The following TGDS variants were observed in gnomAD, a reference collection of about 807,000 sequenced individuals.
TGDS encodes UDP-D-glucose 4,6-dehydratase.
Under a neutral mutation model 52.3 loss-of-function variants are expected in TGDS, and 47 were observed. The observed-to-expected ratio is 0.90, with a 90% CI of 0.71 to 1.15. The LOEUF is 1.15. Among genes scored for constraint, TGDS ranks in the 50% most tolerant of loss-of-function variants. The pLI is 0.00. For synonymous variants in TGDS, 115 were observed against 136.9 expected (o/e 0.84, Z 1.12); for missense variants, 375 against 418.4 (o/e 0.90, Z 0.90).
intron 4 of TGDS, among the ~76,000 whole-genome samples, chr13:94,585,560 G>A (rs1349463125): frequency 5.3e-5 from 8 of 152,044 alleles, no homozygotes; most frequent in Admixed American, 5.2e-4. Context: ...CACTTTGGGA[G>A]GCCCAGGTGG....
intron 4 of TGDS, among the ~76,000 whole-genome samples, chr13:94,586,659 T>C (rs1347205856): frequency 6.6e-6 from 1 of 151,690 alleles, no homozygotes; most frequent in Non-Finnish European, 1.5e-5. Context: ...ACAATTAAGC[T>C]AGAATTCCAT....
At chr13:94,582,938 A>T (rs1398396836) in intron 5 of TGDS, among the ~76,000 whole-genome samples, 156 bp downstream of exon 5, 1 of 152,138 alleles carries the variant, frequency 6.6e-6, no homozygotes, top group Non-Finnish European at 1.5e-5. Context: ...TTATATATCT[A>T]TTCTATTAGT....
chr13:94,575,705 T>C (rs1888578128), intron 11 of TGDS, among the ~76,000 whole-genome samples: 1 of 152,216 alleles, frequency 6.6e-6, no homozygotes. Context: ...ATATTTGACT[T>C]AAGTATTTGT....
Position 94,576,339 on chromosome 13 carries a change from A to C in TGDS, c.957T>G (p.Pro319=). ...TTGTTTTCTTTATTCCTTCTTTCCA[A>C]GGCACTTTAGGTCTCCATCCTAAGC... ...IHGLGWRPKV[P]WKEGIKKTIE... is the part of the protein sequence containing the mutation. Residue 319 remains proline, a synonymous_variant, in exon 11 of 12, where the codon CCT becomes CCG. Transcript: ENST00000261296. 1 of 1,603,626 alleles carries C rather than the reference A, an allele frequency of 6.2e-7. No individual in the cohort carries two copies. Among genetic ancestry groups the C allele is most frequent in the Non-Finnish European group, 8.5e-7 (1 of 1,175,176 alleles).
intron 4 of TGDS, among the ~76,000 whole-genome samples, chr13:94,585,194 T>C (rs1460314109): frequency 6.6e-6 from 1 of 151,824 alleles, no homozygotes; most frequent in Non-Finnish European, 1.5e-5. Context: ...GGGTTACAGG[T>C]GCCCACTACC....
rs148143934 is a variant in TGDS, at chr13:94,578,158, C to A, written c.672G>T (p.Gly224=). The A allele has an allele frequency of 1.0e-4, 164 of 1,613,368 alleles. No individual in the cohort carries two copies. The highest frequency in any genetic ancestry group is 1.3e-4 in the Non-Finnish European group (156 of 1,179,756). ...GGAAGTTTCTTGTTTGAAGCCCTGACCCATGAATGCAACTAAAGAGATTAA... is the reference window on the plus strand; with the variant it reads ...GGAAGTTTCTTGTTTGAAGCCCTGAACCATGAATGCAACTAAAGAGATTAA... The part of the protein sequence containing the change: ...LQHNRKCCIH[G]SGLQTRNFLY... The change falls in exon 9 of 12, where the codon GGG becomes GGT. Residue 224 remains glycine (G), a synonymous_variant. Transcript: ENST00000261296.
intron 1 of TGDS, among the ~76,000 whole-genome samples, chr13:94,594,554 A>G (rs966790743): frequency 5.9e-5 from 9 of 152,140 alleles, no homozygotes; most frequent in Admixed American, 5.2e-4. Context: ...TACCAGATTT[A>G]CCATGTATAC....
intron 1 of TGDS, among the ~76,000 whole-genome samples, chr13:94,595,718 G>C (rs979661456): frequency 1.3e-5 from 2 of 152,118 alleles, no homozygotes; most frequent in African/African-American, 4.8e-5. Flanking sequence ...CGTGGGGTGT[G>C]GGTGCTCTAG....
intron 8 of TGDS, among the ~76,000 whole-genome samples, 184 bp from the exon 9 acceptor site, chr13:94,578,354 A>T (rs1888675738): frequency 6.8e-6 from 1 of 146,346 alleles, no homozygotes. Context: ...AAACCTTCTG[A>T]GGGGACTCAG....
At chr13:94,593,612 CA>C (rs1409753235) in intron 2 of TGDS, among the ~76,000 whole-genome samples, 1 of 151,808 alleles carries the variant, frequency 6.6e-6, no homozygotes, top group Non-Finnish European at 1.5e-5. Flanking sequence ...CTGAAAAAAA[CA>C]AAATAAAACA....
In TGDS at chr13:94,583,197, T is replaced by C. The variant is rs780215822; in HGVS notation, c.353A>G (p.Asn118Ser). 6.2e-7 allele frequency: 1 copy of C among 1,613,770 alleles called. No individual in the cohort carries two copies. Among genetic ancestry groups the C allele is most frequent in the African/African-American group, 1.3e-5 (1 of 74,902 alleles). The change falls in exon 5 of 12, where the codon AAT (asparagine) becomes AGT (serine). Residue 118 changes from asparagine (N) to serine (S), a missense_variant. By Grantham distance (46) the Asn-to-Ser change is conservative (BLOSUM62 1). Coordinates refer to ENST00000261296, the MANE Select transcript of TGDS (RefSeq NM_014305.4). ...FVRAFEFTYV[N>S]VYGTHVLVSA... ...TACCAAAACGTGAGTGCCATAAACA[T>C]TAACATAGGTAAACTCAAAGGCACG... is the stretch of plus-strand genomic sequence containing the variant.
intron 4 of TGDS, among the ~76,000 whole-genome samples, chr13:94,588,421 C>CAAAAAAAAAAAAAAAAAAAAAAAAAA (rs150186125): frequency 1.7e-5 from 1 of 58,492 alleles, no homozygotes; most frequent in Non-Finnish European, 2.9e-5. Context: ...GACTCTGTCT[C>CAAAAAAAAAAAAAAAAAAAAAAAAAA]AAAAAAAAAA....
intron 9 of TGDS, 58 bp downstream of exon 9, chr13:94,577,947 T>C (rs1888655515): frequency 6.5e-7 from 1 of 1,535,462 alleles, no homozygotes; most frequent in African/African-American, 1.4e-5. Flanking sequence ...TGATTTTGAC[T>C]AATGGTCACT....
At chr13:94,593,723 A>G in intron 2 of TGDS, 118 bp downstream of exon 2, 1 of 766,588 alleles carries the variant, frequency 1.3e-6, no homozygotes, top group Non-Finnish European at 2.2e-6. Context: ...GAGCCTCTGA[A>G]TTGCTAAAAT....
At chr13:94,577,562 A>C in intron 9 of TGDS, 133 bp from the exon 10 acceptor site, 1 of 648,552 alleles carries the variant, frequency 1.5e-6, no homozygotes, top group Non-Finnish European at 2.5e-6. Flanking sequence ...ACATCATTTT[A>C]GTAACACTTT....
chr13:94,588,300 G>A (rs1234822120), intron 4 of TGDS, among the ~76,000 whole-genome samples: 1 of 151,498 alleles, frequency 6.6e-6, no homozygotes, highest in African/African-American at 2.4e-5. Context: ...GCGCATGCCT[G>A]TAATCCTAGC....
Position 94,578,790 on chromosome 13 carries a change from A to G in TGDS, c.616-17T>C, listed in dbSNP as rs1888692425. The G allele has an allele frequency of 2.1e-6, 3 of 1,438,010 alleles. No individual in the cohort carries two copies. In the African/African-American group the frequency reaches 4.2e-5, roughly 20 times the overall value. The allele number at this position is 1,438,010 out of a possible 1,614,324, so 89.1% of individuals were successfully genotyped here. A position where few individuals can be genotyped will look rare whatever the true frequency, so the allele number is the denominator to read the frequency against. ...TGGAATAACCTAAAAGAATATTTAAATATCATTTCAGACTGGATATTTACT... is the reference window on the plus strand; with the variant it reads ...TGGAATAACCTAAAAGAATATTTAAGTATCATTTCAGACTGGATATTTACT... On this transcript the variant is annotated splice_polypyrimidine_tract_variant and intron_variant, in intron 7 of 11. Coordinates refer to ENST00000261296, the MANE Select transcript of TGDS (RefSeq NM_014305.4).
In TGDS at chr13:94,578,172, TAA is replaced by T. The variant is rs776164791; in HGVS notation, c.660-4_660-3del. 1 of 1,612,780 alleles carries T rather than the reference TAA, an allele frequency of 6.2e-7. No individual in the cohort carries two copies. The highest frequency in any genetic ancestry group is 1.3e-5 in the African/African-American group (1 of 74,850). On this transcript the variant is annotated splice_polypyrimidine_tract_variant and splice_region_variant and intron_variant, in intron 8 of 11. Transcript: ENST00000261296. ...TGAAGCCCTGACCCATGAATGCAAC[TAA>T]AGAGATTAAACGAAGTGAAATCATA...
chr13:94,593,596 T>C (rs1436422887), intron 2 of TGDS, among the ~76,000 whole-genome samples: 1 of 152,132 alleles, frequency 6.6e-6, no homozygotes, highest in African/African-American at 2.4e-5. Flanking sequence ...ATTTGCAAAG[T>C]AGCAACTGAA....
Sources: allele counts gnomAD v4.1 joint callset (sites outside exome capture counted in the v4.1 genomes callset), GRCh38; gene constraint gnomAD v4.1.1; transcripts MANE v1.5; gene names NCBI Gene and HGNC (gene_info 2026-07-23, HGNC 2026-07-21).